MPPED1: variants seen among roughly 807,000 people sequenced by gnomAD.
The protein encoded by MPPED1 is metallophosphoesterase domain containing 1, also known as metallophosphoesterase domain-containing protein 1.
MPPED1 carries 16 observed loss-of-function variants against 36.2 expected under a neutral mutation model. That is an observed-to-expected ratio of 0.44 (90% confidence interval 0.30 to 0.67). MPPED1 has a LOEUF of 0.67. Ranked by LOEUF, MPPED1 falls within the 30% of genes least tolerant of loss-of-function variation. The pLI is 0.10. For missense variants in MPPED1, 307 were observed against 453.4 expected (o/e 0.68, Z 2.93); for synonymous variants, 199 against 191.3 (o/e 1.04, Z -0.33).
At chr22:43,499,628 GA>G (rs1932569471) in intron 5 of MPPED1, among the ~76,000 whole-genome samples, 9 of 108,470 alleles carry the variant, frequency 8.3e-5, no homozygotes, top group Non-Finnish European at 1.2e-4. Context: ...TGGTGGTGAT[GA>G]TGGTGGAGGT....
At chr22:43,441,471 G>T (rs1490679994) in intron 3 of MPPED1, among the ~76,000 whole-genome samples, 2 of 152,298 alleles carry the variant, frequency 1.3e-5, no homozygotes, top group South Asian at 2.1e-4. Context: ...GTCAGCACGG[G>T]TCCTCAGAGC....
chr22:43,505,532 T>C lies in MPPED1; in HGVS notation c.897T>C (p.Tyr299=), dbSNP rs945457489. The C allele has an allele frequency of 3.7e-6, 6 of 1,612,310 alleles. No homozygotes were observed. The Admixed American group carries it at 5.0e-5, about 13-fold the overall frequency. Residue 299 remains tyrosine (Y), a synonymous_variant, in exon 7 of 7, where the codon TAT becomes TAC. Transcript: ENST00000443721. Reference sequence around the variant, plus strand: ...TCATGGCAGATGGGACGACCACCTATGTGAATGCGTCCGTATGCACTGTGA... The same window carrying C: ...TCATGGCAGATGGGACGACCACCTACGTGAATGCGTCCGTATGCACTGTGA... ...YGVMADGTTT[Y]VNASVCTVNY...
At chr22:43,413,380 A>C (rs918204808) in intron 1 of MPPED1, among the ~76,000 whole-genome samples, 1 of 58,890 alleles carries the variant, frequency 1.7e-5, no homozygotes, top group African/African-American at 6.4e-5. Context: ...TGGACTTTGC[A>C]AAAAAAAAAA....
At chr22:43,412,835 CTG>C (rs955053307) in intron 1 of MPPED1, among the ~76,000 whole-genome samples, 1 of 152,214 alleles carries the variant, frequency 6.6e-6, no homozygotes, top group African/African-American at 2.4e-5. Context: ...GTTCTGTCTC[CTG>C]TGTGTTTGTT....
chr22:43,432,862 G>C (rs1236184609), intron 2 of MPPED1, among the ~76,000 whole-genome samples: 89 of 102,166 alleles, frequency 8.7e-4, no homozygotes, highest in African/African-American at 2.7e-3. Flanking sequence ...GAGAGAGAAA[G>C]GGAGGAGAGA....
At chr22:43,503,257 C>G (rs1012480728) in intron 6 of MPPED1, among the ~76,000 whole-genome samples, 2 of 152,206 alleles carry the variant, frequency 1.3e-5, no homozygotes, top group African/African-American at 4.8e-5. Flanking sequence ...CACATGGCCA[C>G]GCCCTGGCCT....
intron 3 of MPPED1, among the ~76,000 whole-genome samples, chr22:43,467,291 G>A (rs767882848): frequency 2.0e-5 from 3 of 152,202 alleles, no homozygotes; most frequent in East Asian, 1.9e-4. Flanking sequence ...GATGCTGGTC[G>A]CAGTGCCTGG....
intron 4 of MPPED1, among the ~76,000 whole-genome samples, chr22:43,494,182 C>T (rs531288765): frequency 5.4e-4 from 82 of 152,192 alleles, no homozygotes; most frequent in African/African-American, 1.8e-3. Flanking sequence ...ACTACAGGTG[C>T]GCGCCATCAT....
At chr22:43,450,855 T>C (rs1358076849) in intron 3 of MPPED1, among the ~76,000 whole-genome samples, 1 of 151,926 alleles carries the variant, frequency 6.6e-6, no homozygotes. Context: ...GCCTCCCGAG[T>C]AGCTGGGATT....
At chr22:43,495,248 AT>A (rs1932225869) in intron 4 of MPPED1, among the ~76,000 whole-genome samples, 1 of 73,740 alleles carries the variant, frequency 1.4e-5, no homozygotes, top group Non-Finnish European at 3.0e-5. Context: ...GGTGGTGGTG[AT>A]GGAGGTGGTG....
chr22:43,466,556 TG>T (rs1931178626), intron 3 of MPPED1, among the ~76,000 whole-genome samples: 1 of 152,224 alleles, frequency 6.6e-6, no homozygotes, highest in Non-Finnish European at 1.5e-5. Flanking sequence ...TTCTGTATTC[TG>T]ATGCTTTGAC....
At chr22:43,418,615 T>C in intron 1 of MPPED1, 1 of 165,902 alleles carries the variant, frequency 6.0e-6, no homozygotes, top group Non-Finnish European at 1.3e-5. Context: ...TGAGGAGGTC[T>C]GTTTTCTGCC....
At chr22:43,436,071 T>A (rs1929948803) in intron 3 of MPPED1, among the ~76,000 whole-genome samples, 1 of 152,172 alleles carries the variant, frequency 6.6e-6, no homozygotes, top group Non-Finnish European at 1.5e-5. Flanking sequence ...TGGTGGGTGA[T>A]GACTTATAAG....
At chr22:43,500,286 ATGGGGGTGG>A (rs1431045415) in intron 5 of MPPED1, among the ~76,000 whole-genome samples, 2 of 23,554 alleles carry the variant, frequency 8.5e-5, no homozygotes, top group African/African-American at 1.4e-4. Context: ...GGCGGTGGTG[ATGGGGGTGG>A]TGGTGGTGAT....
intron 3 of MPPED1, among the ~76,000 whole-genome samples, chr22:43,454,304 C>T (rs1930678603): frequency 6.6e-6 from 1 of 151,330 alleles, no homozygotes; most frequent in African/African-American, 2.4e-5. Context: ...CCACTGTACC[C>T]AGCCTATTTT....
rs73167946 is a variant in MPPED1 at position 43,460,272 on chromosome 22, C to G, written c.407-14464C>G. On this transcript the variant is annotated intron_variant, in intron 3 of 6. Transcript: ENST00000443721. ...ACAAAAACAAACCCAAACCCCCCCC[C>G]CCAAACCCAAAGCAAAACAAAACAA... Among the ~76,000 whole-genome samples the G allele has an allele frequency of 3.4e-5, 5 of 147,522 alleles. 1 individual carries two copies. The highest frequency in any genetic ancestry group is 6.9e-5 in the Admixed American group (1 of 14,448).
intron 3 of MPPED1, among the ~76,000 whole-genome samples, chr22:43,455,490 A>G (rs1275747169): frequency 1.3e-5 from 2 of 152,098 alleles, no homozygotes; most frequent in Non-Finnish European, 2.9e-5. Flanking sequence ...TTACCTCACT[A>G]AGGGTCCTGT....
chr22:43,499,660 T>A (rs1602024948), intron 5 of MPPED1, among the ~76,000 whole-genome samples: 1 of 86,078 alleles, frequency 1.2e-5, no homozygotes. Context: ...GTGATGGGGG[T>A]GGCGGTGATG....
rs1321289636 is a variant in MPPED1, at chr22:43,447,883, A to ATATATATATATATATATATT, written c.406+12669_406+12670insATATATATATATATATATTT. On this transcript the variant is annotated intron_variant, in intron 3 of 6. Coordinates refer to ENST00000443721, the MANE Select transcript of MPPED1 (RefSeq NM_001044370.2). Reference sequence around the variant, plus strand: ...ATTATATATATATATATATATATATATTTTTTTTTTTTTTAGACAAAGTCT... The same window carrying ATATATATATATATATATATT: ...ATTATATATATATATATATATATATATATATATATATATATATATTTTTTTTTTTTTTTTAGACAAAGTCT... Among the ~76,000 whole-genome samples the ATATATATATATATATATATT allele has an allele frequency of 2.2e-3, 148 of 67,664 alleles. 1 individual carries two copies. The highest frequency in any genetic ancestry group is 3.0e-3 in the Non-Finnish European group (114 of 37,986). 44.4% of individuals were successfully genotyped at this position (67,664 alleles called of 152,430 possible). A position where few individuals can be genotyped will look rare whatever the true frequency, so the allele number is the denominator to read the frequency against.
Sources: gnomAD v4.1 joint callset for allele counts (sites outside exome capture counted in the v4.1 genomes callset) on GRCh38, gnomAD v4.1.1 for gene constraint, MANE v1.5 for transcripts, NCBI Gene and HGNC (gene_info 2026-07-23, HGNC 2026-07-21) for gene names.